The following CHST8 variants were observed in gnomAD, a reference collection of about 807,000 sequenced individuals.
The protein encoded by CHST8 is GALNAC-4-ST1.
Under a neutral mutation model 15.0 loss-of-function variants are expected in CHST8, and 10 were observed. The observed-to-expected ratio is 0.67, with a 90% CI of 0.41 to 1.13. The LOEUF (loss-of-function observed/expected upper bound fraction) is 1.13, where lower values mean the gene tolerates loss of function less well. Ranked by LOEUF, CHST8 falls within the 50% of genes most tolerant of loss-of-function variation. CHST8 has a pLI of 0.00. For missense variants in CHST8, 634 were observed against 608.2 expected (o/e 1.04, Z -0.45); for synonymous variants, 259 against 256.6 (o/e 1.01, Z -0.09).
chr19:33,735,983 A>G (rs529653527), intron 3 of CHST8, among the ~76,000 whole-genome samples: 5 of 152,230 alleles, frequency 3.3e-5, no homozygotes, highest in Non-Finnish European at 7.3e-5. Flanking sequence ...CTTACAAAAG[A>G]GACTGCTCCC....
intron 3 of CHST8, among the ~76,000 whole-genome samples, chr19:33,730,630 A>T (rs561150245): frequency 7.9e-5 from 12 of 152,236 alleles, no homozygotes; most frequent in Non-Finnish European, 1.6e-4. Context: ...CGAATTCATC[A>T]AGTGAAAGAA....
At chr19:33,743,862 G>T (rs1974256062) in intron 3 of CHST8, among the ~76,000 whole-genome samples, 1 of 150,740 alleles carries the variant, frequency 6.6e-6, no homozygotes, top group Non-Finnish European at 1.5e-5. Flanking sequence ...TGCAGTCTCG[G>T]TTCACTGCAA....
intron 2 of CHST8, among the ~76,000 whole-genome samples, chr19:33,681,763 G>A (rs1374666415): frequency 6.6e-6 from 1 of 152,158 alleles, no homozygotes; most frequent in African/African-American, 2.4e-5. Flanking sequence ...TAAGTGGAGG[G>A]GAAGTCAGGC....
At chr19:33,707,748 T>C (rs1001227343) in intron 3 of CHST8, among the ~76,000 whole-genome samples, 1 of 152,236 alleles carries the variant, frequency 6.6e-6, no homozygotes. Context: ...AAACCTATGT[T>C]TTCATTTTTC....
chr19:33,757,474 GAA>G (rs1280171707), intron 3 of CHST8, among the ~76,000 whole-genome samples: 6 of 41,782 alleles, frequency 1.4e-4, no homozygotes, highest in South Asian at 7.3e-4. Flanking sequence ...AAGAAAGAAA[GAA>G]AGAAAGAAAG....
chr19:33,633,773 TCGTGTG>T (rs765181008), intron 1 of CHST8, among the ~76,000 whole-genome samples: 2 of 94,336 alleles, frequency 2.1e-5, no homozygotes, highest in Non-Finnish European at 4.3e-5. Flanking sequence ...GTTTTCTTTT[TCGTGTG>T]TGTGTGTGTG....
intron 3 of CHST8, among the ~76,000 whole-genome samples, chr19:33,694,194 ATATATATATATATATATATATATAT>A (rs1445683227): frequency 9.2e-6 from 1 of 109,142 alleles, no homozygotes; most frequent in African/African-American, 3.5e-5. Context: ...ATATATATAT[ATATATATATATATATATATATATAT>A]AATGTTACCA....
chr19:33,754,381 C>T (rs1042374088), intron 3 of CHST8, among the ~76,000 whole-genome samples: 12 of 151,874 alleles, frequency 7.9e-5, no homozygotes, highest in Admixed American at 2.0e-4. Flanking sequence ...CTCTAGGCTG[C>T]GGGGCTCTTC....
chr19:33,628,689 G>A (rs1972088001), intron 1 of CHST8, among the ~76,000 whole-genome samples: 1 of 152,194 alleles, frequency 6.6e-6, no homozygotes, highest in Non-Finnish European at 1.5e-5. Flanking sequence ...TCATGATGCA[G>A]GCCATCTGTT....
chr19:33,654,853 G>A (rs924260104), intron 1 of CHST8, among the ~76,000 whole-genome samples: 1 of 152,164 alleles, frequency 6.6e-6, no homozygotes, highest in Admixed American at 6.5e-5. Flanking sequence ...GCCCTGACCT[G>A]TAGGGTCTGC....
intron 3 of CHST8, among the ~76,000 whole-genome samples, chr19:33,703,438 C>G (rs1973383365): frequency 6.6e-6 from 1 of 152,254 alleles, no homozygotes; most frequent in Non-Finnish European, 1.5e-5. Context: ...ATGGCCACTG[C>G]GTAGGTCTTG....
intron 3 of CHST8, among the ~76,000 whole-genome samples, chr19:33,705,228 G>C (rs1198296387): frequency 1.3e-5 from 2 of 152,208 alleles, no homozygotes; most frequent in African/African-American, 4.8e-5. Context: ...GGACCCCCAT[G>C]AAGCCAGACC....
chr19:33,716,099 A>G (rs1422451380), intron 3 of CHST8, among the ~76,000 whole-genome samples: 1 of 152,168 alleles, frequency 6.6e-6, no homozygotes, highest in East Asian at 1.9e-4. Context: ...ACCTCTTTCC[A>G]TATCGAGACG....
intron 1 of CHST8, among the ~76,000 whole-genome samples, chr19:33,656,845 T>C (rs1972515233): frequency 6.6e-6 from 1 of 152,186 alleles, no homozygotes; most frequent in Non-Finnish European, 1.5e-5. Flanking sequence ...TATAAATGTT[T>C]TATAGGTGTG....
intron 3 of CHST8, among the ~76,000 whole-genome samples, chr19:33,763,490 G>T (rs1438420157): frequency 6.6e-6 from 1 of 152,234 alleles, no homozygotes; most frequent in East Asian, 1.9e-4. Context: ...CTGTGCTGGG[G>T]CAGCCCTGCC....
At position 33,688,707 on chromosome 19, in the gene CHST8, C is replaced by T. The variant is rs374245790; in HGVS notation, c.-86-469C>T. 2.2e-4 allele frequency among the ~76,000 whole-genome samples: 34 copies of T among 152,262 alleles called. No individual in the cohort carries two copies. In the East Asian group the frequency reaches 6.4e-3, roughly 29 times the overall value. On this transcript the variant is annotated intron_variant, in intron 2 of 4. Transcript: ENST00000650847. The stretch of plus-strand genomic sequence containing the variant: ...CTCTATGGAGACCTTGTCCCCAGTG[C>T]CCTACAGAGAGAAGCAGGGTGGAGG...
At chr19:33,627,304 G>A (rs1288030147) in intron 1 of CHST8, among the ~76,000 whole-genome samples, 1 of 151,598 alleles carries the variant, frequency 6.6e-6, no homozygotes, top group East Asian at 1.9e-4. Flanking sequence ...TAGAGATGGG[G>A]TTTCACCATG....
chr19:33,654,457 G>A (rs1451335312), intron 1 of CHST8, among the ~76,000 whole-genome samples: 1 of 152,014 alleles, frequency 6.6e-6, no homozygotes, highest in Non-Finnish European at 1.5e-5. Flanking sequence ...ATTTAAGACT[G>A]TTGACTTTTA....
At chr19:33,688,727 T>C (rs1973034760) in intron 2 of CHST8, among the ~76,000 whole-genome samples, 1 of 152,046 alleles carries the variant, frequency 6.6e-6, no homozygotes, top group African/African-American at 2.4e-5. Context: ...AGAAGCAGGG[T>C]GGAGGCACAT....
Sources: gnomAD v4.1 joint callset for allele counts (sites outside exome capture counted in the v4.1 genomes callset) on GRCh38, gnomAD v4.1.1 for gene constraint, MANE v1.5 for transcripts, NCBI Gene and HGNC (gene_info 2026-07-23, HGNC 2026-07-21) for gene names.